The following MID1 variants were observed in gnomAD, a reference collection of about 807,000 sequenced individuals.
The protein encoded by MID1 is midline 1.
A neutral mutation model predicts 40.4 loss-of-function variants in MID1; 7 were observed. That is an observed-to-expected ratio of 0.17 (90% CI 0.10 to 0.33). MID1 has a LOEUF of 0.33. MID1 is among the 10% of genes least tolerant of loss of function. The pLI is 1.00. For synonymous variants in MID1, 229 were observed against 221.2 expected, an observed-to-expected ratio of 1.04 and a Z score of -0.31; for missense variants, 367 against 558.5, an observed-to-expected ratio of 0.66 and a Z score of 3.46.
intron 1 of MID1, among the ~76,000 whole-genome samples, chrX:10,820,789 C>T (rs962220671): frequency 8.9e-5 from 10 of 111,996 alleles, no homozygotes; most frequent in Non-Finnish European, 1.5e-4. Context: ...AAGCATTCCC[C>T]GACCACTCTG....
chrX:10,803,282 T>C (rs1022822790), intron 1 of MID1, among the ~76,000 whole-genome samples: 3 of 110,540 alleles, frequency 2.7e-5, no homozygotes, highest in African/African-American at 9.8e-5. Context: ...GATTTATACA[T>C]AAATTAAGTG....
intron 1 of MID1, among the ~76,000 whole-genome samples, chrX:10,726,914 C>A (rs1259389583): frequency 8.9e-6 from 1 of 112,227 alleles, no homozygotes; most frequent in Non-Finnish European, 1.9e-5. Flanking sequence ...CTCTTTTCTG[C>A]CTGTGGCGTA....
intron 2 of MID1, among the ~76,000 whole-genome samples, chrX:10,526,562 T>G (rs1040907307): frequency 8.9e-6 from 1 of 111,900 alleles, no homozygotes; most frequent in Non-Finnish European, 1.9e-5. Context: ...TGTTTACAGT[T>G]CAATTGTCAT....
intron 1 of MID1, among the ~76,000 whole-genome samples, chrX:10,641,879 C>T (rs944340781): frequency 4.0e-4 from 45 of 111,561 alleles, no homozygotes; most frequent in Non-Finnish European, 4.0e-4. Context: ...AATCAGTAAA[C>T]GTAATCCATC....
At chrX:10,579,755 C>A (rs1050513955) in intron 1 of MID1, among the ~76,000 whole-genome samples, 4 of 110,382 alleles carry the variant, frequency 3.6e-5, no homozygotes, top group Admixed American at 9.7e-5. Context: ...TTAAACATTT[C>A]CCCTGATCAC....
chrX:10,777,526 CTCTTT>C (rs747553471), intron 1 of MID1, among the ~76,000 whole-genome samples: 37 of 108,427 alleles, frequency 3.4e-4, no homozygotes, highest in South Asian at 8.0e-4. Flanking sequence ...ATTATATAAG[CTCTTT>C]TCTTTTCTTT....
chrX:10,660,722 G>C (rs906285600), intron 1 of MID1, among the ~76,000 whole-genome samples: 1 of 111,524 alleles, frequency 9.0e-6, no homozygotes, highest in Non-Finnish European at 1.9e-5. Flanking sequence ...AACTATGAGA[G>C]TTTCTCCTTT....
At chrX:10,825,223 A>G (rs148871437) in intron 1 of MID1, among the ~76,000 whole-genome samples, 1,313 of 112,012 alleles carry the variant, frequency 0.012, 10 homozygotes, top group Non-Finnish European at 0.018. Flanking sequence ...GTAATGACTT[A>G]GATCCTATAA....
chrX:10,494,553 T>G (rs955232993), intron 4 of MID1, among the ~76,000 whole-genome samples: 11 of 110,324 alleles, frequency 1.0e-4, no homozygotes, highest in Non-Finnish European at 2.1e-4. Flanking sequence ...GCAGGTGACT[T>G]GCTTGAGCCC....
intron 1 of MID1, among the ~76,000 whole-genome samples, chrX:10,760,862 G>C (rs1367526871): frequency 9.0e-6 from 1 of 110,890 alleles, no homozygotes; most frequent in Non-Finnish European, 1.9e-5. Context: ...AAACAAAACG[G>C]AAAAACCCCA....
chrX:10,678,487 G>A (rs1471090523), intron 1 of MID1, among the ~76,000 whole-genome samples: 3 of 112,157 alleles, frequency 2.7e-5, no homozygotes, highest in Admixed American at 1.9e-4. Context: ...CCAGTACAAA[G>A]AGAGTAAAAA....
chrX:10,543,009 C>T (rs999268937), intron 2 of MID1, among the ~76,000 whole-genome samples: 1 of 112,228 alleles, frequency 8.9e-6, no homozygotes, highest in Non-Finnish European at 1.9e-5. Flanking sequence ...GTAACAAGGG[C>T]TACATACACT....
chrX:10,692,632 T>C (rs1279535939), intron 1 of MID1, among the ~76,000 whole-genome samples: 1 of 111,254 alleles, frequency 9.0e-6, no homozygotes, highest in Non-Finnish European at 1.9e-5. Context: ...AAAAAAATTA[T>C]TCATGAGGTA....
chrX:10,547,605 A>AAGGGAGGGAGGGAGAG (rs879409869), intron 2 of MID1, among the ~76,000 whole-genome samples: 6,590 of 95,357 alleles, frequency 0.069, 662 homozygotes, highest in African/African-American at 0.23. Context: ...GGAAGGAAAG[A>AAGGGAGGGAGGGAGAG]AGGGAGGGTA....
At chrX:10,488,120 T>C (rs1394223506) in intron 4 of MID1, among the ~76,000 whole-genome samples, 1 of 109,672 alleles carries the variant, frequency 9.1e-6, no homozygotes, top group East Asian at 2.8e-4. Context: ...TAGCTGGGAT[T>C]ACAGGAGTGA....
At chrX:10,527,035 TG>T (rs1248649463) in intron 2 of MID1, among the ~76,000 whole-genome samples, 7 of 111,716 alleles carry the variant, frequency 6.3e-5, no homozygotes, top group Non-Finnish European at 1.1e-4. Context: ...ACATCCTGTG[TG>T]GTAGTGGTCA....
intron 4 of MID1, among the ~76,000 whole-genome samples, chrX:10,487,890 A>G (rs1268098678): frequency 9.1e-6 from 1 of 110,328 alleles, no homozygotes; most frequent in Non-Finnish European, 1.9e-5. Flanking sequence ...TATGACACAA[A>G]TTGTTTACCC....
At chrX:10,777,539 T>C (rs1011170999) in intron 1 of MID1, among the ~76,000 whole-genome samples, 1 of 109,092 alleles carries the variant, frequency 9.2e-6, no homozygotes, top group African/African-American at 3.3e-5. Flanking sequence ...TTTTCTTTTC[T>C]TTTCTTTTCT....
At chrX:10,538,844 A>G in intron 2 of MID1, among the ~76,000 whole-genome samples, 1 of 112,535 alleles carries the variant, frequency 8.9e-6, no homozygotes, top group East Asian at 2.8e-4. Flanking sequence ...CATAAATAAT[A>G]TTAATGCAAC....
Sources: allele counts gnomAD v4.1 joint callset (sites outside exome capture counted in the v4.1 genomes callset), GRCh38; gene constraint gnomAD v4.1.1; transcripts MANE v1.5; gene names NCBI Gene and HGNC (gene_info 2026-07-23, HGNC 2026-07-21).